The following FAM53B variants were observed in gnomAD, a reference collection of about 807,000 sequenced individuals.
FAM53B encodes the protein family with sequence similarity 53 member B, also known as protein FAM53B.
Under a neutral mutation model 32.7 loss-of-function variants are expected in FAM53B, and 12 were observed. The observed-to-expected ratio is 0.37, with a 90% confidence interval of 0.24 to 0.59. The LOEUF is 0.59. Ranked by LOEUF, FAM53B falls within the 20% of genes least tolerant of loss-of-function variation. The pLI, the probability that FAM53B is intolerant of heterozygous loss-of-function variation, is 0.72. For synonymous variants in FAM53B, 234 were observed against 228.7 expected (o/e 1.02, Z -0.21); for missense variants, 477 against 577.7 (o/e 0.83, Z 1.79).
chr10:124,645,112 T>C (rs932355004), intron 4 of FAM53B, among the ~76,000 whole-genome samples: 2 of 152,186 alleles, frequency 1.3e-5, no homozygotes, highest in African/African-American at 4.8e-5. Context: ...AGGGTACCTG[T>C]GGCCACAAGG....
chr10:124,715,353 G>A (rs1187206053), intron 1 of FAM53B, among the ~76,000 whole-genome samples: 3 of 152,208 alleles, frequency 2.0e-5, no homozygotes, highest in African/African-American at 7.2e-5. Context: ...TGCAGACATG[G>A]TGGGTAACCT....
At chr10:124,740,569 T>G (rs1215515197) in intron 1 of FAM53B, among the ~76,000 whole-genome samples, 2 of 152,172 alleles carry the variant, frequency 1.3e-5, no homozygotes, top group Middle Eastern at 3.2e-3. Context: ...GGTCAGCTAT[T>G]ACAGTGCCGT....
chr10:124,730,609 G>A (rs775825595), intron 1 of FAM53B, among the ~76,000 whole-genome samples: 5 of 152,166 alleles, frequency 3.3e-5, no homozygotes, highest in Admixed American at 6.5e-5. Flanking sequence ...ACACAGTCTC[G>A]TGTGCTCCTA....
Position 124,681,923 on chromosome 10 carries a change from C to T in FAM53B, c.590G>A (p.Gly197Glu). ...TCCACACGGGGCTGAGCCTGGCACCCCTTGGCAGGGCTGCCCTCCAAATCG... is the reference window on the plus strand; with the variant it reads ...TCCACACGGGGCTGAGCCTGGCACCTCTTGGCAGGGCTGCCCTCCAAATCG... ...HHRFGGQPCQGVPGSAPCGQA... is the reference protein window; with the variant it reads ...HHRFGGQPCQEVPGSAPCGQA... Residue 197 changes from glycine (G) to glutamate (E), a missense_variant, in exon 4 of 5, where the codon GGG (glycine) becomes GAG (glutamate). This residue lies in a region of FAM53B where 312 missense variants were observed against 420.2 expected (regional missense o/e 0.74). Coordinates refer to ENST00000337318, the MANE Select transcript of FAM53B (RefSeq NM_014661.4). 1 of 1,613,966 alleles carries T rather than the reference C, an allele frequency of 6.2e-7. No individual in the cohort carries two copies. Among genetic ancestry groups the T allele is most frequent in the Non-Finnish European group, 8.5e-7 (1 of 1,179,982 alleles).
chr10:124,672,461 G>C (rs1220191510), intron 4 of FAM53B, among the ~76,000 whole-genome samples: 1 of 152,252 alleles, frequency 6.6e-6, no homozygotes, highest in African/African-American at 2.4e-5. Flanking sequence ...TGCATCCTCT[G>C]AGGCCCAGCT....
chr10:124,666,403 T>C (rs904761411), intron 4 of FAM53B, among the ~76,000 whole-genome samples: 1 of 152,220 alleles, frequency 6.6e-6, no homozygotes, highest in African/African-American at 2.4e-5. Flanking sequence ...TGCTGGTAGA[T>C]GGGGGCTCAC....
chr10:124,657,938 G>A (rs1415807304), intron 4 of FAM53B, among the ~76,000 whole-genome samples: 1 of 152,230 alleles, frequency 6.6e-6, no homozygotes, highest in Non-Finnish European at 1.5e-5. Context: ...CCGCAGCCAG[G>A]AAGGTTCCTT....
chr10:124,737,593 T>G (rs1950180306), intron 1 of FAM53B, among the ~76,000 whole-genome samples: 1 of 151,818 alleles, frequency 6.6e-6, no homozygotes, highest in African/African-American at 2.4e-5. Flanking sequence ...CCTGGGAGAG[T>G]CACCTCACCT....
chr10:124,633,467 A>G (rs967960771), intron 4 of FAM53B, among the ~76,000 whole-genome samples: 1 of 152,206 alleles, frequency 6.6e-6, no homozygotes, highest in Non-Finnish European at 1.5e-5. Flanking sequence ...AAAATAAACA[A>G]GTGAGATTAG....
intron 4 of FAM53B, among the ~76,000 whole-genome samples, chr10:124,641,711 G>T (rs1949474779): frequency 1.3e-5 from 2 of 152,218 alleles, no homozygotes; most frequent in African/African-American, 4.8e-5. Context: ...CCTGCAAGAG[G>T]CCCCTTCCTT....
intron 1 of FAM53B, among the ~76,000 whole-genome samples, chr10:124,717,613 G>GGT (rs1411630910): frequency 3.9e-5 from 6 of 152,240 alleles, no homozygotes; most frequent in African/African-American, 1.4e-4. Flanking sequence ...CAATGGGTGG[G>GGT]ACCGAGGTAG....
intron 4 of FAM53B, among the ~76,000 whole-genome samples, chr10:124,660,711 G>A (rs1949625820): frequency 1.3e-5 from 2 of 152,204 alleles, no homozygotes; most frequent in South Asian, 2.1e-4. Context: ...TTCCAAATGG[G>A]GAAATCGAGA....
At chr10:124,699,230 C>A (rs935541171) in intron 2 of FAM53B, among the ~76,000 whole-genome samples, 3 of 152,252 alleles carry the variant, frequency 2.0e-5, no homozygotes, top group Admixed American at 2.0e-4. Context: ...TTGGTTCCAA[C>A]ATCCCAGCTG....
chr10:124,645,493 C>T (rs551820253), intron 4 of FAM53B, among the ~76,000 whole-genome samples: 5 of 152,336 alleles, frequency 3.3e-5, no homozygotes, highest in Non-Finnish European at 5.9e-5. Context: ...CCTTCCCAGC[C>T]TCTGCTGAAG....
intron 3 of FAM53B, among the ~76,000 whole-genome samples, chr10:124,691,599 T>C (rs919072977): frequency 3.9e-5 from 6 of 152,220 alleles, no homozygotes; most frequent in African/African-American, 1.4e-4. Context: ...ACATATGATG[T>C]GATTTCCAGG....
intron 1 of FAM53B, among the ~76,000 whole-genome samples, chr10:124,710,830 G>C (rs1949996633): frequency 6.6e-6 from 1 of 152,110 alleles, no homozygotes; most frequent in Non-Finnish European, 1.5e-5. Flanking sequence ...ACTCACCCAG[G>C]GTCCGGGTTC....
At chr10:124,702,078 T>C (rs1461046461) in intron 2 of FAM53B, among the ~76,000 whole-genome samples, 3 of 152,120 alleles carry the variant, frequency 2.0e-5, no homozygotes, top group African/African-American at 4.8e-5. Context: ...CCCTTGCACA[T>C]TGAGACTTTC....
chr10:124,704,587 C>A (rs1241534963), intron 2 of FAM53B, among the ~76,000 whole-genome samples: 1 of 152,138 alleles, frequency 6.6e-6, no homozygotes, highest in Admixed American at 6.5e-5. Flanking sequence ...AGTGCAAAGG[C>A]CTGAGGCAGG....
intron 4 of FAM53B, among the ~76,000 whole-genome samples, chr10:124,628,397 T>A (rs922719577): frequency 2.0e-5 from 3 of 152,164 alleles, no homozygotes; most frequent in Admixed American, 6.5e-5. Flanking sequence ...GAGGCTGCGG[T>A]ATTCTCACCC....
Sources: allele counts gnomAD v4.1 joint callset (sites outside exome capture counted in the v4.1 genomes callset), GRCh38; gene constraint gnomAD v4.1.1; regional missense constraint gnomAD v4.1.1; transcripts MANE v1.5; gene names NCBI Gene and HGNC (gene_info 2026-07-23, HGNC 2026-07-21).